Variants in CCSER1 observed in about 807,000 individuals in gnomAD.
CCSER1 encodes the protein serine-rich coiled-coil domain-containing protein 1.
Under a neutral mutation model 82.0 loss-of-function variants are expected in CCSER1, and 41 were observed. The observed-to-expected ratio is 0.50, with a 90% CI of 0.39 to 0.65. The LOEUF (loss-of-function observed/expected upper bound fraction) is 0.65, where lower values mean the gene tolerates loss of function less well. CCSER1 is among the 30% of genes least tolerant of loss of function. The pLI is 0.00. For synonymous variants in CCSER1, 414 were observed against 383.9 expected (o/e 1.08, Z -0.92); for missense variants, 1,119 against 1,064.2 (o/e 1.05, Z -0.72).
chr4:91,095,374 C>A (rs952263903), intron 10 of CCSER1, among the ~76,000 whole-genome samples: 9 of 152,206 alleles, frequency 5.9e-5, no homozygotes, highest in African/African-American at 1.2e-4. Context: ...CTGGAACCCC[C>A]CTTTCCCTGC....
chr4:90,446,868 G>A (rs1025367195), intron 4 of CCSER1, among the ~76,000 whole-genome samples: 1 of 152,162 alleles, frequency 6.6e-6, no homozygotes, highest in African/African-American at 2.4e-5. Flanking sequence ...TGACGAGGAT[G>A]AAGACTTTTA....
intron 10 of CCSER1, among the ~76,000 whole-genome samples, chr4:91,278,896 T>C (rs1234897715): frequency 2.6e-5 from 4 of 152,126 alleles, no homozygotes; most frequent in African/African-American, 2.4e-5. Flanking sequence ...ATGGTAGATA[T>C]TATATTTTCA....
intron 9 of CCSER1, among the ~76,000 whole-genome samples, chr4:91,035,364 C>A (rs962516822): frequency 5.3e-5 from 8 of 152,042 alleles, no homozygotes; most frequent in African/African-American, 1.9e-4. Context: ...AAAAAATCAT[C>A]CTTTGGTCTC....
At chr4:91,161,285 C>T (rs1731371716) in intron 10 of CCSER1, among the ~76,000 whole-genome samples, 1 of 151,986 alleles carries the variant, frequency 6.6e-6, no homozygotes, top group South Asian at 2.1e-4. Context: ...TACTAGTACC[C>T]TGCTGTTTTG....
chr4:91,120,344 G>A (rs907304036), intron 10 of CCSER1, among the ~76,000 whole-genome samples: 2 of 152,030 alleles, frequency 1.3e-5, no homozygotes, highest in African/African-American at 4.8e-5. Flanking sequence ...ATATAATTAC[G>A]TGGTCTTATA....
At chr4:91,035,675 C>CA (rs1741374114) in intron 9 of CCSER1, among the ~76,000 whole-genome samples, 1 of 151,788 alleles carries the variant, frequency 6.6e-6, no homozygotes, top group South Asian at 2.1e-4. Context: ...CAAATCAAAA[C>CA]AAAAAAGCAA....
At chr4:90,987,206 G>A (rs1476341608) in intron 9 of CCSER1, among the ~76,000 whole-genome samples, 1 of 151,092 alleles carries the variant, frequency 6.6e-6, no homozygotes, top group Admixed American at 6.6e-5. Flanking sequence ...TGTTTTTCAA[G>A]TCAAGTAGAA....
intron 3 of CCSER1, among the ~76,000 whole-genome samples, chr4:90,330,140 A>G (rs1455489265): frequency 2.6e-5 from 4 of 152,140 alleles, no homozygotes; most frequent in Non-Finnish European, 5.9e-5. Flanking sequence ...TGTGAGAGAA[A>G]CTTTTGTAAC....
At chr4:90,828,035 G>A (rs1200224806) in intron 8 of CCSER1, among the ~76,000 whole-genome samples, 4 of 152,238 alleles carry the variant, frequency 2.6e-5, no homozygotes, top group East Asian at 3.9e-4. Context: ...GTGTGGTGCC[G>A]ACTTCTTGTC....
Position 91,021,469 on chromosome 4 carries a change from T to A in CCSER1, c.2173-64481T>A, listed in dbSNP as rs181449523. On this transcript the variant is annotated intron_variant, in intron 9 of 10. Transcript: ENST00000509176. Reference sequence around the variant, plus strand: ...AACTTTGATTTAAAAATAGTTTTTTTAATTTGCAATGACAAAGTGTAAATT... The same window carrying A: ...AACTTTGATTTAAAAATAGTTTTTTAAATTTGCAATGACAAAGTGTAAATT... Among the ~76,000 whole-genome samples the A allele has an allele frequency of 3.5e-3, 527 of 152,330 alleles. 5 individuals are homozygous for A. The highest frequency in any genetic ancestry group is 0.012 in the African/African-American group (508 of 41,592).
In CCSER1 at chr4:90,724,003, AC is replaced by A; in HGVS notation, c.2010+13del. ...CAGTGCCTTTCAAGGTAAAAAACAA[AC>A]AAGAAAGCATTATTTATAAAAATAT... On this transcript the variant is annotated intron_variant, in intron 7 of 10. Transcript: ENST00000509176. 1 of 1,481,176 alleles carries A rather than the reference AC, an allele frequency of 6.8e-7. No homozygotes were observed. Among genetic ancestry groups the A allele is most frequent in the Non-Finnish European group, 9.2e-7 (1 of 1,082,686 alleles). 91.8% of individuals were successfully genotyped at this position (1,481,176 alleles called of 1,614,324 possible). A position where few individuals can be genotyped will look rare whatever the true frequency, so the allele number is the denominator to read the frequency against.
intron 10 of CCSER1, among the ~76,000 whole-genome samples, chr4:91,169,167 C>T (rs1180613093): frequency 6.7e-6 from 1 of 148,420 alleles, no homozygotes; most frequent in East Asian, 2.0e-4. Context: ...ACATCCCCCT[C>T]TCCGAGAAAC....
intron 10 of CCSER1, among the ~76,000 whole-genome samples, chr4:91,530,873 G>A (rs1760994933): frequency 6.6e-6 from 1 of 152,116 alleles, no homozygotes; most frequent in Admixed American, 6.6e-5. Context: ...TTTTAGCAGA[G>A]ACGGGGTTTC....
chr4:90,521,054 C>T (rs1036234760), intron 5 of CCSER1, among the ~76,000 whole-genome samples: 19 of 152,224 alleles, frequency 1.2e-4, no homozygotes, highest in East Asian at 5.8e-4. Context: ...AAATCTAATA[C>T]GCATTCTAGG....
chr4:90,724,614 AT>A, intron 7 of CCSER1: 1 of 342,536 alleles, frequency 2.9e-6, no homozygotes, highest in Non-Finnish European at 5.7e-6. Context: ...TAGATCAACT[AT>A]TTTATGTTTG....
chr4:91,505,297 T>C (rs1434688008), intron 10 of CCSER1, among the ~76,000 whole-genome samples: 1 of 152,250 alleles, frequency 6.6e-6, no homozygotes, highest in East Asian at 1.9e-4. Context: ...CTGCATAGTA[T>C]TCATGGTGTA....
intron 10 of CCSER1, among the ~76,000 whole-genome samples, chr4:91,503,573 T>C (rs1578640122): frequency 8.6e-6 from 1 of 116,184 alleles, no homozygotes; most frequent in Admixed American, 8.0e-5. Context: ...CTGTCTGGGG[T>C]CTTTTGGAAA....
At chr4:91,061,014 T>C (rs1047466436) in intron 9 of CCSER1, among the ~76,000 whole-genome samples, 7 of 152,082 alleles carry the variant, frequency 4.6e-5, no homozygotes, top group African/African-American at 1.7e-4. Context: ...AATACCTACA[T>C]ATATTTTTAC....
intron 1 of CCSER1, among the ~76,000 whole-genome samples, chr4:90,173,684 CTA>C (rs1732158080): frequency 6.6e-6 from 1 of 151,902 alleles, no homozygotes; most frequent in African/African-American, 2.4e-5. Context: ...ATCTATCTCA[CTA>C]TCATCAATCC....
Sources: gnomAD v4.1 joint callset for allele counts (sites outside exome capture counted in the v4.1 genomes callset) on GRCh38, gnomAD v4.1.1 for gene constraint, MANE v1.5 for transcripts, NCBI Gene and HGNC (gene_info 2026-07-23, HGNC 2026-07-21) for gene names.